The following CSMD3 variants were observed in gnomAD, a reference collection of about 807,000 sequenced individuals.
CSMD3 encodes the protein CUB and sushi domain-containing protein 3.
A neutral mutation model predicts 435.2 loss-of-function variants in CSMD3; 177 were observed. The ratio of observed to expected loss-of-function variants is 0.41; its 90% confidence interval spans 0.36 to 0.46. The LOEUF (loss-of-function observed/expected upper bound fraction) is 0.46, where lower values mean the gene tolerates loss of function less well. CSMD3 is among the 20% of genes least tolerant of loss of function. The pLI, the probability that CSMD3 is intolerant of heterozygous loss-of-function variation, is 0.34. For missense variants in CSMD3, 4,265 were observed against 4,504.6 expected (o/e 0.95, Z 1.52); for synonymous variants, 1,656 against 1,520.5 (o/e 1.09, Z -2.07).
intron 13 of CSMD3, among the ~76,000 whole-genome samples, chr8:112,794,881 C>T (rs1379434645): frequency 6.6e-6 from 1 of 151,512 alleles, no homozygotes; most frequent in African/African-American, 2.4e-5. Context: ...CATGAAATGT[C>T]CATATATTTG....
intron 56 of CSMD3, among the ~76,000 whole-genome samples, chr8:112,291,055 A>T (rs1400593363): frequency 6.6e-6 from 1 of 152,022 alleles, no homozygotes; most frequent in Non-Finnish European, 1.5e-5. Context: ...TTGCATTAAC[A>T]AGTATATGTG....
At chr8:112,702,620 C>T (rs906388236) in intron 13 of CSMD3, among the ~76,000 whole-genome samples, 3 of 152,002 alleles carry the variant, frequency 2.0e-5, no homozygotes, top group Non-Finnish European at 2.9e-5. Context: ...TCCCCATGGT[C>T]CCATGATAGC....
chr8:112,410,018 A>T (rs540632996), intron 32 of CSMD3, among the ~76,000 whole-genome samples: 1 of 152,076 alleles, frequency 6.6e-6, no homozygotes, highest in African/African-American at 2.4e-5. Flanking sequence ...ATGAGTATAT[A>T]CAAATATATT....
chr8:112,421,269 G>A (rs1439190911), intron 32 of CSMD3, among the ~76,000 whole-genome samples: 4 of 151,784 alleles, frequency 2.6e-5, no homozygotes, highest in East Asian at 3.9e-4. Flanking sequence ...TAGGCTGGGC[G>A]CAGTGATTCA....
At chr8:112,835,248 A>G (rs2079988466) in intron 11 of CSMD3, among the ~76,000 whole-genome samples, 2 of 151,878 alleles carry the variant, frequency 1.3e-5, no homozygotes, top group Non-Finnish European at 2.9e-5. Context: ...AGTGGTACAG[A>G]AGCTATGTCT....
At chr8:113,038,126 A>C (rs1269507934) in intron 5 of CSMD3, among the ~76,000 whole-genome samples, 1 of 152,200 alleles carries the variant, frequency 6.6e-6, no homozygotes, top group African/African-American at 2.4e-5. Flanking sequence ...AAGGGCAGGA[A>C]CAGAGAATGA....
intron 38 of CSMD3, among the ~76,000 whole-genome samples, chr8:112,363,872 T>A (rs1423107092): frequency 6.6e-6 from 1 of 152,032 alleles, no homozygotes; most frequent in East Asian, 1.9e-4. Flanking sequence ...ATACTAATAA[T>A]TTAATTTGGG....
intron 3 of CSMD3, among the ~76,000 whole-genome samples, chr8:113,217,841 C>A (rs974949311): frequency 6.6e-6 from 1 of 150,604 alleles, no homozygotes; most frequent in Non-Finnish European, 1.5e-5. Context: ...TTAAAATAAT[C>A]AATCTACAGA....
Position 113,410,383 on chromosome 8 carries a change from A to G in CSMD3, c.178+26294T>C, listed in dbSNP as rs138026748. Among the ~76,000 whole-genome samples the G allele has an allele frequency of 7.6e-4, 115 of 152,210 alleles. 3 individuals are homozygous for G. In the East Asian group the frequency reaches 0.021, roughly 27 times the overall value. On this transcript the variant is annotated intron_variant, in intron 1 of 70. Transcript: ENST00000297405. The stretch of plus-strand genomic sequence containing the variant: ...TACTGAGACAGCTCATTAAAGAGTT[A>G]TTTATCCAGGACCAAAATCCAATAA...
chr8:112,316,736 A>G (rs1439705388), intron 47 of CSMD3, among the ~76,000 whole-genome samples: 1 of 151,876 alleles, frequency 6.6e-6, no homozygotes. Flanking sequence ...AAAATCTCCT[A>G]GATTCAGTTG....
At chr8:112,929,212 G>A (rs770096256) in intron 9 of CSMD3, among the ~76,000 whole-genome samples, 3 of 126,816 alleles carry the variant, frequency 2.4e-5, no homozygotes, top group South Asian at 2.7e-4. Flanking sequence ...AGTAGGTTGC[G>A]AAAATTTTCT....
At chr8:112,815,885 T>C (rs1332852589) in intron 12 of CSMD3, among the ~76,000 whole-genome samples, 1 of 152,176 alleles carries the variant, frequency 6.6e-6, no homozygotes, top group Non-Finnish European at 1.5e-5. Flanking sequence ...AAGATTATTT[T>C]TGTATTGTGG....
intron 10 of CSMD3, among the ~76,000 whole-genome samples, chr8:112,893,025 C>T (rs1371621468): frequency 6.6e-6 from 1 of 151,224 alleles, no homozygotes; most frequent in East Asian, 2.0e-4. Flanking sequence ...ATAATAATGG[C>T]ACTATTAGTA....
At chr8:112,416,737 C>G (rs1179341534) in intron 32 of CSMD3, among the ~76,000 whole-genome samples, 2 of 151,660 alleles carry the variant, frequency 1.3e-5, no homozygotes, top group Admixed American at 6.6e-5. Flanking sequence ...ATTAATATTT[C>G]AATTTGTTTG....
chr8:112,229,033 T>G (rs1290184588), intron 69 of CSMD3, 142 bp from the exon 70 acceptor site: 1 of 617,090 alleles, frequency 1.6e-6, no homozygotes, highest in Non-Finnish European at 2.8e-6. Flanking sequence ...ATGAAACTCC[T>G]TCAACTCATT....
chr8:112,708,951 C>A (rs2076555119), intron 13 of CSMD3, among the ~76,000 whole-genome samples: 1 of 152,008 alleles, frequency 6.6e-6, no homozygotes, highest in South Asian at 2.1e-4. Context: ...ATAACTGAAT[C>A]CTTCCTTCTT....
intron 3 of CSMD3, among the ~76,000 whole-genome samples, chr8:113,201,597 G>T (rs2132032996): frequency 6.6e-6 from 1 of 152,010 alleles, no homozygotes; most frequent in African/African-American, 2.4e-5. Flanking sequence ...AATGAAACTT[G>T]AATTTTTAAT....
chr8:113,408,875 G>A (rs952394076), intron 1 of CSMD3, among the ~76,000 whole-genome samples: 6 of 151,942 alleles, frequency 3.9e-5, no homozygotes, highest in Non-Finnish European at 8.8e-5. Context: ...ATGTTGACCA[G>A]GCTGCTCTCG....
At chr8:113,376,994 C>T in intron 1 of CSMD3, 2 of 1,412,242 alleles carry the variant, frequency 1.4e-6, no homozygotes, top group South Asian at 2.4e-5. Context: ...ACCAGCCGGG[C>T]CCGCAGCCAC....
Sources: allele counts gnomAD v4.1 joint callset (sites outside exome capture counted in the v4.1 genomes callset), GRCh38; gene constraint gnomAD v4.1.1; transcripts MANE v1.5; gene names NCBI Gene and HGNC (gene_info 2026-07-23, HGNC 2026-07-21).